The following FBN3 variants were observed in gnomAD, a reference collection of about 807,000 sequenced individuals.
FBN3 encodes fibrillin-3.
Under a neutral mutation model 330.1 loss-of-function variants are expected in FBN3, and 234 were observed. That is an observed-to-expected ratio of 0.71 (90% CI 0.64 to 0.79). The LOEUF (loss-of-function observed/expected upper bound fraction) is 0.79. FBN3 is among the 30% of genes least tolerant of loss of function. FBN3 has a pLI of 0.00. For synonymous variants in FBN3, 1,458 were observed against 1,517.3 expected (o/e 0.96, Z 0.91); for missense variants, 3,606 against 3,886.9 (o/e 0.93, Z 1.92).
rs1056100907 is a variant in FBN3, at chr19:8,144,887, T to C, written c.531A>G (p.Gln177=). The C allele has an allele frequency of 1.6e-5, 25 of 1,608,858 alleles. No homozygotes were observed. Among genetic ancestry groups the C allele is most frequent in the East Asian group, 4.5e-5 (2 of 44,740 alleles). ...GCGCATGCTTGGTACCTCTCTCACA[T>C]TGAGGTCCCATGAAGCCATACACAC... ...CACVYGFMGP[Q]CERDYRTGPC... Residue 177 remains glutamine, a synonymous_variant, in exon 6 of 64, where the codon CAA becomes CAG. Transcript: ENST00000600128.
chr19:8,117,707 G>T, intron 26 of FBN3, 118 bp from the exon 27 acceptor site: 2 of 1,176,786 alleles, frequency 1.7e-6, no homozygotes, highest in Non-Finnish European at 2.4e-6. Context: ...CATTGGCACA[G>T]CCCCGCATGT....
intron 22 of FBN3, 138 bp from the exon 23 acceptor site, chr19:8,124,146 C>T: frequency 1.4e-6 from 1 of 704,552 alleles, no homozygotes; most frequent in South Asian, 1.7e-5. Context: ...AAAGGGGTGA[C>T]TTCCTCCAGG....
At chr19:8,079,190 AT>A (rs2081715051) in intron 59 of FBN3, among the ~76,000 whole-genome samples, 1 of 152,092 alleles carries the variant, frequency 6.6e-6, no homozygotes. Context: ...CTGTGATCAC[AT>A]TTGTGAATAG....
Position 8,096,296 on chromosome 19 carries a change from T to A in FBN3, c.5539+148A>T. 2 of 1,046,500 alleles carry A rather than the reference T, an allele frequency of 1.9e-6. No homozygotes were observed. Among genetic ancestry groups the A allele is most frequent in the South Asian group, 1.6e-5 (1 of 63,720 alleles). 64.8% of individuals were successfully genotyped at this position (1,046,500 alleles called of 1,614,324 possible). On this transcript the variant is annotated intron_variant, in intron 44 of 63. Transcript: ENST00000600128. This position sits in a 1 kb window ranked among gnomAD's most constrained non-coding sequence, Gnocchi z 4.6. ...GAAAACTGAGGCACAGGGAGGCAGATCAACCATTTACCCAAGATCTTAATC... is the reference window on the plus strand; with the variant it reads ...GAAAACTGAGGCACAGGGAGGCAGAACAACCATTTACCCAAGATCTTAATC...
chr19:8,123,411 C>T, intron 24 of FBN3, 53 bp downstream of exon 24: 1 of 1,590,422 alleles, frequency 6.3e-7, no homozygotes, highest in Non-Finnish European at 8.6e-7. Flanking sequence ...TATTTGAGGC[C>T]CCTATCCCTG....
At chr19:8,073,041 T>C (rs1334736805) in intron 62 of FBN3, 22 bp downstream of exon 62, 1 of 1,534,426 alleles carries the variant, frequency 6.5e-7, no homozygotes. Flanking sequence ...TGGAGTCTGC[T>C]TGCCCCACTC....
At chr19:8,130,099 T>C (rs2083089069) in intron 16 of FBN3, among the ~76,000 whole-genome samples, 1 of 151,972 alleles carries the variant, frequency 6.6e-6, no homozygotes, top group South Asian at 2.1e-4. Context: ...GGTTTCACCA[T>C]GTTGGCCAGG....
chr19:8,074,813 C>T, intron 61 of FBN3: 1 of 456,786 alleles, frequency 2.2e-6, no homozygotes, highest in Non-Finnish European at 3.9e-6. Flanking sequence ...AAATTGCAGA[C>T]TTCAGGTCTC....
At position 8,121,136 on chromosome 19, in the gene FBN3, C is replaced by G; in HGVS notation, c.3211+122G>C. On this transcript the variant is annotated intron_variant, in intron 25 of 63. Coordinates refer to ENST00000600128, the MANE Select transcript of FBN3 (RefSeq NM_032447.5). The surrounding 1 kb of genome is among the most constrained non-coding windows in gnomAD (Gnocchi z 4.5). ...TCACTGTACCTCAGCTAATTTACAG[C>G]TCCTCCCTCCTCCTGCCCCCTCCAT... 3.1e-6 allele frequency: 3 copies of G among 954,640 alleles called. No homozygotes were observed. The highest frequency in any genetic ancestry group is 4.7e-6 in the Non-Finnish European group (3 of 638,872). The allele number at this position is 954,640 out of a possible 1,614,324, so 59.1% of individuals were successfully genotyped here.
In FBN3 at chr19:8,073,061, A is replaced by C. The variant is rs2081558578; in HGVS notation, c.7937+2T>G. On this transcript the variant is annotated splice_donor_variant, in intron 62 of 63. Transcript: ENST00000600128. LOFTEE classifies it high-confidence loss of function. Reference sequence around the variant, plus strand: ...TCTGCTTGCCCCACTCCAGCCTCTCACCCTTGCCCAGCCCGGAAGTAGCCT... The same window carrying C: ...TCTGCTTGCCCCACTCCAGCCTCTCCCCCTTGCCCAGCCCGGAAGTAGCCT... The C allele has an allele frequency of 6.3e-7, 1 of 1,598,880 alleles. No homozygotes were observed.
chr19:8,124,119 G>A (rs1392464278), intron 22 of FBN3, 111 bp from the exon 23 acceptor site: 4 of 892,434 alleles, frequency 4.5e-6, no homozygotes, highest in Non-Finnish European at 7.1e-6. Flanking sequence ...ACGTAGTCAG[G>A]TCGAGGGCCA....
At chr19:8,115,074 C>G (rs546658187) in intron 30 of FBN3, among the ~76,000 whole-genome samples, 5 of 152,138 alleles carry the variant, frequency 3.3e-5, no homozygotes, top group Non-Finnish European at 7.4e-5. Context: ...AGACTGGTCT[C>G]GAACTCCTGA....
intron 18 of FBN3, among the ~76,000 whole-genome samples, chr19:8,127,048 G>GTTTTTT (rs140844932): frequency 8.8e-5 from 10 of 113,904 alleles, no homozygotes; most frequent in African/African-American, 2.5e-4. Context: ...ATGCCAAACT[G>GTTTTTT]TTTTTTTTTT....
chr19:8,099,162 A>G (rs2082273593), intron 41 of FBN3, among the ~76,000 whole-genome samples: 1 of 152,210 alleles, frequency 6.6e-6, no homozygotes. Flanking sequence ...GAAGGAAGAA[A>G]AAACTAGAAA....
chr19:8,122,820 A>G (rs949897972), intron 24 of FBN3, among the ~76,000 whole-genome samples: 1 of 151,768 alleles, frequency 6.6e-6, no homozygotes, highest in African/African-American at 2.4e-5. Context: ...GCCTGCCACC[A>G]CGCTGGGCTA....
At chr19:8,134,101 G>A (rs1319941860) in intron 13 of FBN3, among the ~76,000 whole-genome samples, 1 of 151,592 alleles carries the variant, frequency 6.6e-6, no homozygotes, top group Non-Finnish European at 1.5e-5. Flanking sequence ...AATCAGCCGG[G>A]CGTGGTGGTG....
chr19:8,067,164 C>T (rs1471265625), intron 63 of FBN3, among the ~76,000 whole-genome samples: 11 of 142,940 alleles, frequency 7.7e-5, no homozygotes, highest in Admixed American at 2.2e-4. Context: ...GTCTTGCTGT[C>T]GCCCAGGCTG....
Position 8,111,683 on chromosome 19 carries a change from C to T in FBN3, c.4049G>A (p.Arg1350His), listed in dbSNP as rs757123409. Reference protein sequence around the residue: ...NVPGSYRCTCRQGFAGDGFFC... With the variant: ...NVPGSYRCTCHQGFAGDGFFC... ...GAAGCCATCCCCGGCAAAGCCCTGG[C>T]GGCAGGTGCAGCGGTAGGAGCCAGG... The change falls in exon 32 of 64, where the codon CGC (arginine) becomes CAC (histidine). Residue 1350 changes from arginine (R) to histidine (H), a missense_variant. Coordinates refer to ENST00000600128, the MANE Select transcript of FBN3 (RefSeq NM_032447.5). The T allele has an allele frequency of 2.2e-5, 35 of 1,579,596 alleles. No homozygotes were observed. Among genetic ancestry groups the T allele is most frequent in the African/African-American group, 2.7e-5 (2 of 73,132 alleles).
At chr19:8,083,644 T>C (rs951873301) in intron 56 of FBN3, among the ~76,000 whole-genome samples, 1 of 150,482 alleles carries the variant, frequency 6.6e-6, no homozygotes, top group Admixed American at 6.6e-5. Flanking sequence ...TGCACCAACA[T>C]GCAGAACAGA....
Sources: gnomAD v4.1 joint callset for allele counts (sites outside exome capture counted in the v4.1 genomes callset) on GRCh38, gnomAD v4.1.1 for gene constraint, Gnocchi (gnomAD v3.1) non-coding constraint, MANE v1.5 for transcripts, NCBI Gene and HGNC (gene_info 2026-07-23, HGNC 2026-07-21) for gene names.